The following DLGAP2 variants were observed in gnomAD, a reference collection of about 807,000 sequenced individuals.
DLGAP2 encodes disks large-associated protein 2.
In DLGAP2, 26 loss-of-function variants were observed where a neutral mutation model predicts 100.3. The ratio of observed to expected loss-of-function variants is 0.26; its 90% confidence interval spans 0.19 to 0.36. DLGAP2 has a LOEUF of 0.36. DLGAP2 is among the 10% of genes least tolerant of loss of function. The pLI, the probability that DLGAP2 is intolerant of heterozygous loss-of-function variation, is 1.00. For missense variants in DLGAP2, 1,858 were observed against 1,453.2 expected (o/e 1.28, Z -4.53); for synonymous variants, 886 against 630.1 (o/e 1.41, Z -6.08).
At chr8:844,819 C>T (rs1489775323) in intron 1 of DLGAP2, among the ~76,000 whole-genome samples, 1 of 152,150 alleles carries the variant, frequency 6.6e-6, no homozygotes, top group Non-Finnish European at 1.5e-5. Context: ...CCTATCTTAG[C>T]CATCCTCTCT....
At chr8:793,524 T>G (rs1178297021) in intron 1 of DLGAP2, among the ~76,000 whole-genome samples, 11 of 152,216 alleles carry the variant, frequency 7.2e-5, no homozygotes, top group Non-Finnish European at 1.5e-5. Context: ...TCTTTCAAGA[T>G]CTGGTGGCTT....
chr8:1,372,680 G>A (rs543114213), intron 3 of DLGAP2, among the ~76,000 whole-genome samples: 2 of 152,348 alleles, frequency 1.3e-5, no homozygotes, highest in South Asian at 2.1e-4. Flanking sequence ...TCTTCAATAA[G>A]TTGGACATGG....
chr8:1,103,856 A>G (rs1027121802), intron 2 of DLGAP2, among the ~76,000 whole-genome samples: 1 of 152,128 alleles, frequency 6.6e-6, no homozygotes, highest in African/African-American at 2.4e-5. Context: ...GTGGTTGTTT[A>G]TTGGAAATCA....
intron 2 of DLGAP2, among the ~76,000 whole-genome samples, chr8:1,087,004 G>A (rs1247677588): frequency 6.6e-6 from 1 of 152,126 alleles, no homozygotes; most frequent in African/African-American, 2.4e-5. Flanking sequence ...CATTTGTTAG[G>A]CCAAAAGACA....
intron 2 of DLGAP2, among the ~76,000 whole-genome samples, chr8:1,093,988 T>G (rs868361335): frequency 3.1e-4 from 47 of 151,370 alleles, no homozygotes; most frequent in African/African-American, 1.1e-3. Context: ...CGCTCGTGGA[T>G]GGAGGGCAGC....
At chr8:1,692,919 T>C (rs201390832) in intron 13 of DLGAP2, among the ~76,000 whole-genome samples, 1 of 148,506 alleles carries the variant, frequency 6.7e-6, no homozygotes, top group Non-Finnish European at 1.5e-5. Context: ...CACATATTAA[T>C]ATATAAATAT....
Position 923,137 on chromosome 8 carries a change from C to T in DLGAP2, c.73+15171C>T, listed in dbSNP as rs146158868. ...GAACAAGTTACTAGGTAGCAAACCA[C>T]AGGTTATCCGGGCTGTGTCATAATG... On this transcript the variant is annotated intron_variant, in intron 2 of 14. Transcript: ENST00000637795. 8.5e-3 allele frequency among the ~76,000 whole-genome samples: 1,292 copies of T among 152,332 alleles called. 7 individuals carry two copies. The highest frequency in any genetic ancestry group is 0.013 in the Non-Finnish European group (878 of 68,026).
At chr8:803,073 G>A (rs918738766) in intron 1 of DLGAP2, among the ~76,000 whole-genome samples, 1 of 152,178 alleles carries the variant, frequency 6.6e-6, no homozygotes, top group Non-Finnish European at 1.5e-5. Flanking sequence ...CTGCCATGAC[G>A]GGCTTGGACG....
chr8:1,165,908 A>G (rs1309993165), intron 2 of DLGAP2, among the ~76,000 whole-genome samples: 32 of 151,818 alleles, frequency 2.1e-4, no homozygotes. Context: ...TTTTAAGATA[A>G]TAACAGATTT....
At chr8:1,364,543 C>CTGG (rs1563107185) in intron 3 of DLGAP2, among the ~76,000 whole-genome samples, 5 of 151,684 alleles carry the variant, frequency 3.3e-5, no homozygotes. Context: ...CCCTGGAGGA[C>CTGG]TGGGGCTGGC....
chr8:1,425,067 C>A (rs1325144114), intron 3 of DLGAP2, among the ~76,000 whole-genome samples: 1 of 152,170 alleles, frequency 6.6e-6, no homozygotes, highest in African/African-American at 2.4e-5. Flanking sequence ...AAATTTTTTG[C>A]ACTTAGTTTT....
chr8:743,681 A>G (rs1820543201), intron 1 of DLGAP2, among the ~76,000 whole-genome samples: 1 of 152,150 alleles, frequency 6.6e-6, no homozygotes, highest in African/African-American at 2.4e-5. Context: ...TTCCCACCTC[A>G]GCCTCCCGAG....
chr8:1,327,561 T>C (rs950457008), intron 3 of DLGAP2, among the ~76,000 whole-genome samples: 8 of 152,176 alleles, frequency 5.3e-5, no homozygotes, highest in Non-Finnish European at 1.0e-4. Flanking sequence ...AGAAACATGG[T>C]GAGCCAGGCA....
chr8:1,025,076 GTGTGTGTGCGCGTGTA>G (rs1407313837), intron 2 of DLGAP2, among the ~76,000 whole-genome samples: 1 of 151,994 alleles, frequency 6.6e-6, no homozygotes. Context: ...GTGTGTGCAT[GTGTGTGTGCGCGTGTA>G]TGTGTGTGCG....
chr8:841,724 G>A (rs780693690), intron 1 of DLGAP2, among the ~76,000 whole-genome samples: 5 of 152,104 alleles, frequency 3.3e-5, no homozygotes, highest in Non-Finnish European at 7.4e-5. Context: ...GGGACCGCAG[G>A]TGCCGCCCCC....
At chr8:1,377,134 C>T (rs983289283) in intron 3 of DLGAP2, among the ~76,000 whole-genome samples, 2 of 152,216 alleles carry the variant, frequency 1.3e-5, no homozygotes, top group Non-Finnish European at 2.9e-5. Flanking sequence ...AGAGGAAGTC[C>T]TCGGGGCCCA....
intron 3 of DLGAP2, among the ~76,000 whole-genome samples, chr8:1,311,240 A>G (rs904935427): frequency 8.5e-5 from 13 of 152,228 alleles, no homozygotes; most frequent in Non-Finnish European, 1.8e-4. Flanking sequence ...ACAAGATAAA[A>G]AATCTCAACA....
At chr8:1,150,655 T>G (rs760806507) in intron 2 of DLGAP2, among the ~76,000 whole-genome samples, 4 of 152,230 alleles carry the variant, frequency 2.6e-5, no homozygotes, top group Non-Finnish European at 4.4e-5. Flanking sequence ...TGGACACTGC[T>G]CAACTTGGAG....
intron 4 of DLGAP2, among the ~76,000 whole-genome samples, chr8:1,512,205 A>G (rs529349252): frequency 6.6e-6 from 1 of 152,242 alleles, no homozygotes; most frequent in African/African-American, 2.4e-5. Context: ...TGTTGCTAGC[A>G]AACAGATGTC....
Sources: allele counts gnomAD v4.1 joint callset (sites outside exome capture counted in the v4.1 genomes callset), GRCh38; gene constraint gnomAD v4.1.1; transcripts MANE v1.5; gene names NCBI Gene and HGNC (gene_info 2026-07-23, HGNC 2026-07-21).